The following RAD18 variants were observed in gnomAD, a reference collection of about 807,000 sequenced individuals.
The protein encoded by RAD18 is E3 ubiquitin-protein ligase RAD18.
In RAD18, 47 loss-of-function variants were observed where a neutral mutation model predicts 60.4. The ratio of observed to expected loss-of-function variants is 0.78; its 90% CI spans 0.62 to 0.99. RAD18 has a LOEUF of 0.99. Among genes scored for constraint, RAD18 ranks in the 50% least tolerant of loss-of-function variants. The pLI is 0.00. For synonymous variants in RAD18, 225 were observed against 195.5 expected (o/e 1.15, Z -1.26); for missense variants, 640 against 593.3 (o/e 1.08, Z -0.82).
chr3:8,899,079 A>T, intron 10 of RAD18, 32 bp from the exon 11 acceptor site: 1 of 1,520,190 alleles, frequency 6.6e-7, no homozygotes. Flanking sequence ...AGTACCTTAA[A>T]ATCTACAACT....
At chr3:8,881,710 T>C (rs533120947) in intron 12 of RAD18, among the ~76,000 whole-genome samples, 159 of 152,194 alleles carry the variant, frequency 1.0e-3, no homozygotes, top group African/African-American at 3.7e-3. Flanking sequence ...TATGCTTCTG[T>C]TTAGCATGTA....
chr3:8,882,142 A>C (rs1038228955), intron 12 of RAD18, among the ~76,000 whole-genome samples: 3 of 35,022 alleles, frequency 8.6e-5, no homozygotes, highest in Non-Finnish European at 1.7e-4. Flanking sequence ...GGAAGAAGTC[A>C]AGTCCTGCCT....
At chr3:8,944,701 G>C (rs1440797405) in intron 4 of RAD18, among the ~76,000 whole-genome samples, 1 of 152,086 alleles carries the variant, frequency 6.6e-6, no homozygotes, top group Non-Finnish European at 1.5e-5. Context: ...GAAAAGTCTT[G>C]TCCATCTGTT....
At chr3:8,962,412 G>A (rs149342146) in intron 1 of RAD18, among the ~76,000 whole-genome samples, 137 of 152,296 alleles carry the variant, frequency 9.0e-4, no homozygotes, top group African/African-American at 3.0e-3. Context: ...CACTCTAGAC[G>A]TCACTGATGA....
At chr3:8,927,004 G>C (rs549291143) in intron 7 of RAD18, among the ~76,000 whole-genome samples, 3,554 of 152,084 alleles carry the variant, frequency 0.023, 129 homozygotes, top group African/African-American at 0.08. Context: ...CATGGGCAAG[G>C]ACTTCATGTC....
At position 8,918,478 on chromosome 3, in the gene RAD18, G is replaced by A. The variant is rs552725676; in HGVS notation, c.890-4758C>T. 3.7e-4 allele frequency among the ~76,000 whole-genome samples: 56 copies of A among 152,096 alleles called. No individual in the cohort carries two copies. In the South Asian group the frequency reaches 6.5e-3, roughly 18 times the overall value. On this transcript the variant is annotated intron_variant, in intron 7 of 12. Transcript: ENST00000264926. ...CAAGATGGATTAGACTCATTTCTCC[G>A]CTAAGTACAACTAAAAACCCTGATA...
chr3:8,930,894 A>T (rs916394668), intron 7 of RAD18, among the ~76,000 whole-genome samples: 3 of 152,172 alleles, frequency 2.0e-5, no homozygotes, highest in Admixed American at 6.5e-5. Context: ...ACCCTTGAAA[A>T]ATCAGATGAA....
Position 8,950,449 on chromosome 3 carries a change from T to A in RAD18, c.134-1879A>T, listed in dbSNP as rs557286506. ...TCTGGAAAAAGGAAATACACAACTCTAGCCCTCTAGCCATCCTGTCCCATC... is the reference window on the plus strand; with the variant it reads ...TCTGGAAAAAGGAAATACACAACTCAAGCCCTCTAGCCATCCTGTCCCATC... On this transcript the variant is annotated intron_variant, in intron 2 of 12. Transcript: ENST00000264926. 1.1e-4 allele frequency among the ~76,000 whole-genome samples: 16 copies of A among 152,312 alleles called. No homozygotes were observed. In the South Asian group the frequency reaches 3.3e-3, roughly 32 times the overall value.
intron 9 of RAD18, among the ~76,000 whole-genome samples, chr3:8,903,708 T>C (rs1432056178): frequency 1.3e-5 from 2 of 152,232 alleles, no homozygotes; most frequent in African/African-American, 4.8e-5. Flanking sequence ...CACAGTTTAC[T>C]TATCTAGCAA....
At chr3:8,905,822 C>T (rs1022595201) in intron 9 of RAD18, among the ~76,000 whole-genome samples, 1 of 152,192 alleles carries the variant, frequency 6.6e-6, no homozygotes. Context: ...TTCAAATATT[C>T]GACACTCCCC....
At chr3:8,914,245 G>A (rs1940158176) in intron 7 of RAD18, among the ~76,000 whole-genome samples, 1 of 152,196 alleles carries the variant, frequency 6.6e-6, no homozygotes, top group African/African-American at 2.4e-5. Flanking sequence ...AACATTAAAT[G>A]CCTTTGAATG....
intron 2 of RAD18, among the ~76,000 whole-genome samples, chr3:8,956,232 A>G (rs1037485016): frequency 2.6e-5 from 4 of 152,184 alleles, no homozygotes; most frequent in African/African-American, 7.2e-5. Flanking sequence ...TGCCAGCATC[A>G]TTACTCTTGT....
intron 9 of RAD18, 149 bp from the exon 10 acceptor site, chr3:8,902,669 ATCACTTG>A (rs1382665610): frequency 1.9e-5 from 14 of 722,436 alleles, no homozygotes; most frequent in Non-Finnish European, 2.9e-5. Flanking sequence ...AAGTGAATGG[ATCACTTG>A]TCAGGAGTTC....
chr3:8,924,751 G>A (rs1270368125), intron 7 of RAD18, among the ~76,000 whole-genome samples: 9 of 144,978 alleles, frequency 6.2e-5, no homozygotes, highest in African/African-American at 2.3e-4. Context: ...TCAGGATTAA[G>A]AAACTCACTC....
At chr3:8,896,151 G>GA in intron 11 of RAD18, among the ~76,000 whole-genome samples, 1 of 152,144 alleles carries the variant, frequency 6.6e-6, no homozygotes, top group Non-Finnish European at 1.5e-5. Flanking sequence ...TTCTGTCCAG[G>GA]AGACATTCAG....
At chr3:8,895,236 G>A (rs140418736) in intron 11 of RAD18, among the ~76,000 whole-genome samples, 118 of 152,240 alleles carry the variant, frequency 7.8e-4, no homozygotes, top group African/African-American at 2.8e-3. Flanking sequence ...ACACAGTAAT[G>A]AGGTTTAGTA....
chr3:8,946,673 A>G (rs1173652731), intron 4 of RAD18, among the ~76,000 whole-genome samples: 1 of 152,250 alleles, frequency 6.6e-6, no homozygotes, highest in Non-Finnish European at 1.5e-5. Context: ...CAAATGCCAT[A>G]CCATTTAATA....
At chr3:8,926,320 A>G (rs557274782) in intron 7 of RAD18, among the ~76,000 whole-genome samples, 1 of 152,236 alleles carries the variant, frequency 6.6e-6, no homozygotes, top group Non-Finnish European at 1.5e-5. Context: ...TGCTTCAAAG[A>G]GAATAAAATA....
At chr3:8,891,823 A>G (rs1040065318) in intron 11 of RAD18, among the ~76,000 whole-genome samples, 7 of 152,270 alleles carry the variant, frequency 4.6e-5, no homozygotes, top group Non-Finnish European at 7.3e-5. Context: ...CACCACTGAA[A>G]AACACAGTTG....
Sources: allele counts gnomAD v4.1 joint callset (sites outside exome capture counted in the v4.1 genomes callset), GRCh38; gene constraint gnomAD v4.1.1; transcripts MANE v1.5; gene names NCBI Gene and HGNC (gene_info 2026-07-23, HGNC 2026-07-21).